Variants in PRKCA observed in about 807,000 individuals in gnomAD.
PRKCA encodes protein kinase C alpha type.
In PRKCA, 27 loss-of-function variants were observed where a neutral mutation model predicts 87.0. The observed-to-expected ratio is 0.31, with a 90% CI of 0.23 to 0.43. PRKCA has a LOEUF of 0.43. Among genes scored for constraint, PRKCA ranks in the 20% least tolerant of loss-of-function variants. The pLI, the probability that PRKCA is intolerant of heterozygous loss-of-function variation, is 1.00. For missense variants in PRKCA, 518 were observed against 852.3 expected (o/e 0.61, Z 4.88); for synonymous variants, 329 against 311.1 (o/e 1.06, Z -0.61).
At chr17:66,329,010 C>G (rs1281603318) in intron 2 of PRKCA, among the ~76,000 whole-genome samples, 1 of 152,156 alleles carries the variant, frequency 6.6e-6, no homozygotes, top group Non-Finnish European at 1.5e-5. Context: ...TTAGTGTCTC[C>G]TTGTGTAGGA....
intron 2 of PRKCA, among the ~76,000 whole-genome samples, chr17:66,334,917 G>A (rs77226918): frequency 6.6e-6 from 1 of 152,130 alleles, no homozygotes. Flanking sequence ...ATATTATTGA[G>A]CCTTAAACAG....
chr17:66,382,188 C>T (rs1359901189), intron 2 of PRKCA, among the ~76,000 whole-genome samples: 1 of 152,102 alleles, frequency 6.6e-6, no homozygotes, highest in African/African-American at 2.4e-5. Context: ...GGCTGGTCTT[C>T]CACATTGTGG....
chr17:66,525,980 G>T (rs1413818397), intron 3 of PRKCA, among the ~76,000 whole-genome samples: 1 of 152,150 alleles, frequency 6.6e-6, no homozygotes, highest in Non-Finnish European at 1.5e-5. Flanking sequence ...CATGGTTCCA[G>T]ATTGCCTTTA....
rs552699994 is a variant in PRKCA at position 66,714,576 on chromosome 17, AC to A, written c.919-18110del. 9.1e-4 allele frequency among the ~76,000 whole-genome samples: 139 copies of A among 152,046 alleles called. 1 individual carries two copies. The highest frequency in any genetic ancestry group is 3.2e-3 in the African/African-American group (134 of 41,476). ...TGGAAATTTGTCTTCTGACGCTGCC[AC>A]CTGGCAGCAGGCGATGGCTGTGGCG... On this transcript the variant is annotated intron_variant, in intron 8 of 16. Transcript: ENST00000413366.
intron 3 of PRKCA, among the ~76,000 whole-genome samples, chr17:66,529,549 G>A (rs1967468505): frequency 6.6e-6 from 1 of 152,116 alleles, no homozygotes; most frequent in African/African-American, 2.4e-5. Flanking sequence ...CTCTTCCTGG[G>A]GTCACCTGGG....
At chr17:66,337,427 T>G (rs1211363885) in intron 2 of PRKCA, among the ~76,000 whole-genome samples, 1 of 152,204 alleles carries the variant, frequency 6.6e-6, no homozygotes, top group African/African-American at 2.4e-5. Flanking sequence ...TCTCACTCTG[T>G]CATGCAGGCT....
At chr17:66,793,086 C>G (rs1171786039) in intron 16 of PRKCA, among the ~76,000 whole-genome samples, 1 of 152,210 alleles carries the variant, frequency 6.6e-6, no homozygotes, top group East Asian at 1.9e-4. Flanking sequence ...ACACAGGCAG[C>G]CAACAACTAG....
At chr17:66,671,861 A>G (rs1318316531) in intron 5 of PRKCA, among the ~76,000 whole-genome samples, 1 of 152,198 alleles carries the variant, frequency 6.6e-6, no homozygotes, top group Non-Finnish European at 1.5e-5. Context: ...TGGCCCTGAA[A>G]ACAGAGCGAA....
chr17:66,414,357 A>G (rs147828611), intron 2 of PRKCA, among the ~76,000 whole-genome samples: 206 of 152,252 alleles, frequency 1.4e-3, no homozygotes, highest in African/African-American at 4.2e-3. Flanking sequence ...TGCTTCTGCC[A>G]TGGAAAATGC....
chr17:66,453,304 G>A (rs1914415836), intron 2 of PRKCA, among the ~76,000 whole-genome samples: 1 of 151,722 alleles, frequency 6.6e-6, no homozygotes, highest in Non-Finnish European at 1.5e-5. Flanking sequence ...TGGGTCCCGT[G>A]ATCCTTTTTT....
intron 2 of PRKCA, among the ~76,000 whole-genome samples, chr17:66,392,928 A>C (rs562553602): frequency 6.6e-6 from 1 of 152,120 alleles, no homozygotes; most frequent in Non-Finnish European, 1.5e-5. Context: ...TCGCTTTCCA[A>C]CAGTCGGGAA....
chr17:66,665,284 C>T (rs1396836826), intron 5 of PRKCA, among the ~76,000 whole-genome samples: 3 of 152,120 alleles, frequency 2.0e-5, no homozygotes, highest in Non-Finnish European at 2.9e-5. Flanking sequence ...CAGGAACTTG[C>T]CAGGTGACAA....
At chr17:66,361,743 A>G (rs1908403629) in intron 2 of PRKCA, among the ~76,000 whole-genome samples, 1 of 152,206 alleles carries the variant, frequency 6.6e-6, no homozygotes, top group Non-Finnish European at 1.5e-5. Flanking sequence ...TTAGCTTTCC[A>G]TTAAGAAATC....
chr17:66,360,825 C>T (rs1254726493), intron 2 of PRKCA, among the ~76,000 whole-genome samples: 2 of 152,110 alleles, frequency 1.3e-5, no homozygotes, highest in Non-Finnish European at 2.9e-5. Context: ...GGTGGGTGGT[C>T]AGTTCCAAAG....
intron 5 of PRKCA, among the ~76,000 whole-genome samples, chr17:66,661,760 G>A (rs1182346172): frequency 6.6e-6 from 1 of 152,208 alleles, no homozygotes; most frequent in African/African-American, 2.4e-5. Flanking sequence ...GGTGGTACCC[G>A]CAGGAAGCAA....
At chr17:66,349,049 T>G (rs888979204) in intron 2 of PRKCA, among the ~76,000 whole-genome samples, 4 of 152,204 alleles carry the variant, frequency 2.6e-5, no homozygotes, top group Non-Finnish European at 5.9e-5. Context: ...TTACGAAGTG[T>G]TCAAAATGCA....
Position 66,636,946 on chromosome 17 carries a change from C to T in PRKCA, c.289-4409C>T, listed in dbSNP as rs137866301. The stretch of plus-strand genomic sequence containing the variant: ...GCACCTGTGCACAATTGCTGATCAA[C>T]AAACAGCTGGTGCTATTATTATTAC... On this transcript the variant is annotated intron_variant, in intron 3 of 16. Coordinates refer to ENST00000413366, the MANE Select transcript of PRKCA (RefSeq NM_002737.3). 5.9e-5 allele frequency among the ~76,000 whole-genome samples: 9 copies of T among 152,288 alleles called. No individual in the cohort carries two copies. In the East Asian group the frequency reaches 1.5e-3, roughly 26 times the overall value.
chr17:66,659,191 G>C (rs8068129), intron 5 of PRKCA, among the ~76,000 whole-genome samples: 95,621 of 151,964 alleles, frequency 0.63, 30,205 homozygotes, highest in African/African-American at 0.7. Context: ...GTGCCCCTTC[G>C]TGAGGAACTG....
At chr17:66,515,503 C>T (rs2885290) in intron 3 of PRKCA, among the ~76,000 whole-genome samples, 75,011 of 151,834 alleles carry the variant, frequency 0.49, 18,884 homozygotes, top group East Asian at 0.75. Context: ...CTGCTGATGA[C>T]AGAAAAAGGA....
Sources: gnomAD v4.1 joint callset for allele counts (sites outside exome capture counted in the v4.1 genomes callset) on GRCh38, gnomAD v4.1.1 for gene constraint, MANE v1.5 for transcripts, NCBI Gene and HGNC (gene_info 2026-07-23, HGNC 2026-07-21) for gene names.